DRC5: variants seen among roughly 807,000 people sequenced by gnomAD.
The protein encoded by DRC5 is T-complex-associated testis-expressed protein 1.
chr6:44,294,539 G>A, the DRC5 span, among the ~76,000 whole-genome samples: 1 of 151,508 alleles, frequency 6.6e-6, no homozygotes. Context: ...GAGGTCAAGA[G>A]TTCAAGACCA....
chr6:44,281,305 A>G, the DRC5 span, among the ~76,000 whole-genome samples: 1 of 152,242 alleles, frequency 6.6e-6, no homozygotes, highest in East Asian at 1.9e-4. Flanking sequence ...TAAAAAATAC[A>G]ATAGAATGGA....
the DRC5 span, chr6:44,287,506 C>G: frequency 7.7e-6 from 12 of 1,566,700 alleles, no homozygotes; most frequent in East Asian, 1.8e-4. Flanking sequence ...CCTAGCCCCC[C>G]TCTTGGCCTT....
At chr6:44,290,963 A>G in the DRC5 span, among the ~76,000 whole-genome samples, 5 of 152,088 alleles carry the variant, frequency 3.3e-5, no homozygotes, top group Non-Finnish European at 5.9e-5. Context: ...TCTTCCTACG[A>G]TCTGGTCCTA....
chr6:44,294,129 T>C, the DRC5 span, among the ~76,000 whole-genome samples: 1 of 152,056 alleles, frequency 6.6e-6, no homozygotes, highest in Non-Finnish European at 1.5e-5. Context: ...ATTACAGGCA[T>C]GCACCACCAC....
chr6:44,292,232 C>A, the DRC5 span, among the ~76,000 whole-genome samples: 2 of 152,172 alleles, frequency 1.3e-5, no homozygotes, highest in Non-Finnish European at 2.9e-5. Flanking sequence ...GACATTGCAG[C>A]CCAGTTCATG....
At chr6:44,291,269 T>A in the DRC5 span, among the ~76,000 whole-genome samples, 2 of 152,374 alleles carry the variant, frequency 1.3e-5, no homozygotes, top group East Asian at 3.9e-4. Flanking sequence ...CTTGATTTTT[T>A]AAAAATGGAT....
At chr6:44,293,653 T>G in the DRC5 span, among the ~76,000 whole-genome samples, 2 of 152,114 alleles carry the variant, frequency 1.3e-5, no homozygotes, top group Non-Finnish European at 2.9e-5. Flanking sequence ...AGTCACTCAG[T>G]ATGTCCCCCT....
chr6:44,291,153 GC>G, the DRC5 span, among the ~76,000 whole-genome samples: 2 of 152,252 alleles, frequency 1.3e-5, no homozygotes, highest in Admixed American at 1.3e-4. Flanking sequence ...ACTACCTTCA[GC>G]CTTTATAGGA....
chr6:44,286,285 C>T, the DRC5 span: 80 of 1,613,046 alleles, frequency 5.0e-5, 1 homozygote, highest in South Asian at 3.2e-4. Context: ...CGAGGATCAC[C>T]GCAGGGTCTG....
the DRC5 span, chr6:44,285,873 A>G: frequency 8.3e-7 from 1 of 1,209,836 alleles, no homozygotes; most frequent in Non-Finnish European, 1.2e-6. Flanking sequence ...AGGAAATAGG[A>G]AGAAGGCAAT....
the DRC5 span, among the ~76,000 whole-genome samples, chr6:44,289,042 C>CTTTTT: frequency 1.9e-4 from 15 of 78,944 alleles, no homozygotes; most frequent in African/African-American, 6.1e-4. Flanking sequence ...GTGAAATTAG[C>CTTTTT]TTTTTTTTTT....
the DRC5 span, among the ~76,000 whole-genome samples, chr6:44,290,843 T>C: frequency 1.3e-5 from 2 of 151,806 alleles, no homozygotes; most frequent in African/African-American, 2.4e-5. Context: ...TTCTCCTTCT[T>C]CTCCTGGGGA....
At chr6:44,288,041 C>A in the DRC5 span, 88,215 of 503,318 alleles carry the variant, frequency 0.18, 8,816 homozygotes, top group East Asian at 0.35. Flanking sequence ...TCCAAGTTAT[C>A]TGTGTGGCCT....
the DRC5 span, chr6:44,282,330 G>A: frequency 1.2e-6 from 2 of 1,614,118 alleles, no homozygotes; most frequent in Admixed American, 1.7e-5. Context: ...GGTGTTGTGT[G>A]CCAGAGCGTG....
chr6:44,287,610 T>C, the DRC5 span: 1 of 1,614,138 alleles, frequency 6.2e-7, no homozygotes, highest in Non-Finnish European at 8.5e-7. Context: ...CGATGGCCAG[T>C]GACCACTCAG....
chr6:44,289,365 A>G, the DRC5 span, among the ~76,000 whole-genome samples: 1 of 152,136 alleles, frequency 6.6e-6, no homozygotes, highest in East Asian at 1.9e-4. Flanking sequence ...TTAGCCCAGT[A>G]TGTCTAAAAT....
At chr6:44,293,442 G>A in the DRC5 span, among the ~76,000 whole-genome samples, 12 of 151,940 alleles carry the variant, frequency 7.9e-5, no homozygotes, top group East Asian at 1.7e-3. Flanking sequence ...GTGAGATGCC[G>A]TCTCTAAAAA....
At chr6:44,288,140 A>G in the DRC5 span, among the ~76,000 whole-genome samples, 1 of 152,180 alleles carries the variant, frequency 6.6e-6, no homozygotes, top group Non-Finnish European at 1.5e-5. Context: ...GGAGGAGTGG[A>G]TAAAATAATG....
the DRC5 span, chr6:44,286,054 G>T: frequency 3.1e-6 from 5 of 1,614,166 alleles, no homozygotes; most frequent in Non-Finnish European, 3.4e-6. Context: ...AATTCATGCC[G>T]CAGTCCTTGA....
Sources: gnomAD v4.1 joint callset for allele counts (sites outside exome capture counted in the v4.1 genomes callset) on GRCh38, gnomAD v4.1.1 for gene constraint, MANE v1.5 for transcripts, NCBI Gene and HGNC (gene_info 2026-07-23, HGNC 2026-07-21) for gene names.